MICAL2: variants seen among roughly 807,000 people sequenced by gnomAD.
The protein encoded by MICAL2 is [F-actin]-monooxygenase MICAL2.
Under a neutral mutation model 127.3 loss-of-function variants are expected in MICAL2, and 77 were observed. The observed-to-expected ratio is 0.60, with a 90% CI of 0.50 to 0.73. The LOEUF is 0.73. Among genes scored for constraint, MICAL2 ranks in the 30% least tolerant of loss-of-function variants. The probability of loss-of-function intolerance (pLI) is 0.00; values close to 1 mark genes in which losing one functional copy is unlikely to be tolerated. For missense variants in MICAL2, 1,351 were observed against 1,434.4 expected, an observed-to-expected ratio of 0.94 and a Z score of 0.94; for synonymous variants, 570 against 551.1, an observed-to-expected ratio of 1.03 and a Z score of -0.48.
chr11:12,122,796 T>C (rs1237438490), intron 1 of MICAL2, among the ~76,000 whole-genome samples: 1 of 152,212 alleles, frequency 6.6e-6, no homozygotes, highest in East Asian at 1.9e-4. Context: ...CGCTTCCTGG[T>C]GAGAAGTTCT....
chr11:12,115,684 A>G (rs1849953711), intron 1 of MICAL2, among the ~76,000 whole-genome samples: 1 of 152,164 alleles, frequency 6.6e-6, no homozygotes, highest in African/African-American at 2.4e-5. Context: ...TGGCAGTGCT[A>G]GAGTTGATCT....
At chr11:12,116,699 C>G (rs976227812) in intron 1 of MICAL2, 7 of 152,202 alleles carry the variant, frequency 4.6e-5, no homozygotes, top group Non-Finnish European at 1.0e-4. Context: ...TGTTCACGAA[C>G]AAACTTTCTT....
chr11:12,339,219 C>A (rs192446234), intron 32 of MICAL2, among the ~76,000 whole-genome samples: 99 of 152,312 alleles, frequency 6.5e-4, no homozygotes, highest in Admixed American at 1.4e-3. Context: ...ATCGCTGATA[C>A]CCTTTCTTCC....
intron 3 of MICAL2, among the ~76,000 whole-genome samples, chr11:12,167,526 A>G (rs889231425): frequency 6.6e-6 from 1 of 151,988 alleles, no homozygotes; most frequent in African/African-American, 2.4e-5. Flanking sequence ...GCCTGGATAA[A>G]CCTGTCTGAC....
chr11:12,231,974 C>T (rs1020626303), intron 15 of MICAL2, among the ~76,000 whole-genome samples: 1 of 152,174 alleles, frequency 6.6e-6, no homozygotes, highest in African/African-American at 2.4e-5. Context: ...GGGGGTCTGG[C>T]AAATGTTCTA....
chr11:12,118,201 T>G (rs1305248400), intron 1 of MICAL2, among the ~76,000 whole-genome samples: 2 of 152,206 alleles, frequency 1.3e-5, no homozygotes, highest in Admixed American at 1.3e-4. Context: ...CATACATATG[T>G]GTGTGGTACT....
At chr11:12,175,121 T>TAA (rs57068512) in intron 3 of MICAL2, among the ~76,000 whole-genome samples, 1 of 145,848 alleles carries the variant, frequency 6.9e-6, no homozygotes, top group East Asian at 2.0e-4. Context: ...AGACTCTGCT[T>TAA]AAAAAAAAAA....
intron 20 of MICAL2, among the ~76,000 whole-genome samples, chr11:12,243,666 A>G (rs1860291002): frequency 6.6e-6 from 1 of 152,198 alleles, no homozygotes; most frequent in African/African-American, 2.4e-5. Context: ...CGCAGCTGCT[A>G]CTTCATACCA....
At chr11:12,171,076 C>T (rs11822285) in intron 3 of MICAL2, among the ~76,000 whole-genome samples, 63,955 of 152,066 alleles carry the variant, frequency 0.42, 14,141 homozygotes, top group African/African-American at 0.56. Context: ...TCCAAGTTTG[C>T]ATCCGAGCAT....
chr11:12,342,615 T>C (rs929066921), intron 32 of MICAL2, among the ~76,000 whole-genome samples: 9 of 152,230 alleles, frequency 5.9e-5, no homozygotes, highest in African/African-American at 2.2e-4. Context: ...TGGCATGGTA[T>C]AGTTTACTGA....
chr11:12,226,841 A>G (rs911141045), intron 14 of MICAL2, among the ~76,000 whole-genome samples, 184 bp from the exon 15 acceptor site: 1 of 151,254 alleles, frequency 6.6e-6, no homozygotes, highest in Admixed American at 6.6e-5. Flanking sequence ...TTTTTAGTAG[A>G]GACGCGGTTT....
chr11:12,240,934 G>A (rs1019033611), intron 17 of MICAL2, 106 bp from the exon 18 acceptor site: 14 of 1,433,706 alleles, frequency 9.8e-6, no homozygotes, highest in Admixed American at 8.4e-5. Flanking sequence ...TGCAACCTTC[G>A]TCTCCCTGCT....
intron 26 of MICAL2, chr11:12,261,222 C>T (rs749655555): frequency 1.9e-5 from 19 of 985,564 alleles, no homozygotes; most frequent in Non-Finnish European, 2.3e-5. Context: ...GACTGCTTAG[C>T]TGCTCCGCTG....
intron 3 of MICAL2, among the ~76,000 whole-genome samples, chr11:12,183,646 A>G (rs1857772173): frequency 1.3e-5 from 2 of 152,170 alleles, no homozygotes; most frequent in African/African-American, 4.8e-5. Flanking sequence ...TGCTGTGGAC[A>G]CTGTTGACAT....
downstream of MICAL2, among the ~76,000 whole-genome samples, chr11:12,295,910 A>G (rs946464066): frequency 3.3e-5 from 5 of 152,142 alleles, no homozygotes; most frequent in African/African-American, 1.2e-4. Flanking sequence ...CTTTATGCAT[A>G]TAATGTTTTT....
chr11:12,160,282 C>T (rs1160378888), intron 2 of MICAL2, among the ~76,000 whole-genome samples: 1 of 152,178 alleles, frequency 6.6e-6, no homozygotes, highest in Admixed American at 6.5e-5. Context: ...TCCCCCTTCT[C>T]TTCCGGCTCC....
At chr11:12,158,182 G>A (rs1388338487) in intron 2 of MICAL2, among the ~76,000 whole-genome samples, 1 of 151,806 alleles carries the variant, frequency 6.6e-6, no homozygotes, top group African/African-American at 2.4e-5. Flanking sequence ...TAAGTATGAT[G>A]GACATATTCT....
At chr11:12,294,447 C>T (rs1446388312), downstream of MICAL2, 2 of 1,614,228 alleles carry the variant, frequency 1.2e-6, no homozygotes, top group Non-Finnish European at 8.5e-7. Flanking sequence ...TTTAGCCCTC[C>T]TGACCCTGCC....
downstream of MICAL2, chr11:12,292,265 G>T (rs1863914503): frequency 6.2e-7 from 1 of 1,614,030 alleles, no homozygotes; most frequent in Non-Finnish European, 8.5e-7. Context: ...CAGTGTTTCT[G>T]GGAATGCTCC....
Sources: allele counts gnomAD v4.1 joint callset (sites outside exome capture counted in the v4.1 genomes callset), GRCh38; gene constraint gnomAD v4.1.1; transcripts MANE v1.5; gene names NCBI Gene and HGNC (gene_info 2026-07-23, HGNC 2026-07-21).